Variants in S100PBP observed in about 807,000 individuals in gnomAD.
S100PBP encodes the protein S100P binding protein.
S100PBP carries 15 observed loss-of-function variants against 39.9 expected under a neutral mutation model. That is an observed-to-expected ratio of 0.38 (90% CI 0.25 to 0.58). The LOEUF is 0.58. Among genes scored for constraint, S100PBP ranks in the 20% least tolerant of loss-of-function variants. S100PBP has a pLI of 0.70. For missense variants in S100PBP, 504 were observed against 487.3 expected (o/e 1.03, Z -0.32); for synonymous variants, 178 against 180.3 (o/e 0.99, Z 0.10).
chr1:32,842,199 AAAAAC>A (rs1368133591), intron 5 of S100PBP, among the ~76,000 whole-genome samples: 25 of 109,126 alleles, frequency 2.3e-4, no homozygotes, highest in African/African-American at 7.7e-4. Context: ...AAAAAAAAAA[AAAAAC>A]ATATATATAT....
rs192718929 is a variant in S100PBP at position 32,854,629 on chromosome 1, A to G, written c.1113-1295A>G. 3.9e-5 allele frequency among the ~76,000 whole-genome samples: 6 copies of G among 152,258 alleles called. No individual in the cohort carries two copies. In the East Asian group the frequency reaches 1.2e-3, roughly 29 times the overall value. The stretch of plus-strand genomic sequence containing the variant: ...TGCCCTTGCCAGTGCACTGTTCACA[A>G]CTCAGCAGCCAAAGAAAGAGATTCT... On this transcript the variant is annotated intron_variant, in intron 6 of 6. Coordinates refer to ENST00000373475, the MANE Select transcript of S100PBP (RefSeq NM_022753.4).
upstream of S100PBP, chr1:32,817,152 A>C: frequency 1.2e-6 from 2 of 1,613,302 alleles, no homozygotes; most frequent in Non-Finnish European, 1.7e-6. Flanking sequence ...CGGGCTCCTA[A>C]TCCCCAACGG....
intron 6 of S100PBP, among the ~76,000 whole-genome samples, chr1:32,853,421 A>G (rs1640698203): frequency 6.6e-6 from 1 of 150,744 alleles, no homozygotes; most frequent in South Asian, 2.2e-4. Context: ...CAGTGAGCCA[A>G]GATGGTGCCA....
In S100PBP at chr1:32,855,949, C is replaced by A; in HGVS notation, c.1138C>A (p.Leu380Met). ...AAACTACGCCCGCCGACAGAAACAT[C>A]TGCAAAGATACAGTCTGACTCAGTG... Reference protein sequence around the residue: ...TRNYARRQKHLQRYSLTQWVD... With the variant: ...TRNYARRQKHMQRYSLTQWVD... Residue 380 changes from leucine to methionine, a missense_variant, in exon 7 of 7, where the codon CTG (leucine) becomes ATG (methionine). By Grantham distance (15) the Leu-to-Met change is conservative. Transcript: ENST00000373475. The A allele has an allele frequency of 6.2e-7, 1 of 1,613,558 alleles. No homozygotes were observed. Among genetic ancestry groups the A allele is most frequent in the East Asian group, 2.2e-5 (1 of 44,850 alleles).
At chr1:32,847,915 G>A (rs1640448811) in intron 5 of S100PBP, among the ~76,000 whole-genome samples, 1 of 152,060 alleles carries the variant, frequency 6.6e-6, no homozygotes, top group African/African-American at 2.4e-5. Flanking sequence ...AAGTAACTGA[G>A]TTTAAGGATT....
chr1:32,827,606 C>T (rs1639388727), intron 3 of S100PBP, among the ~76,000 whole-genome samples: 1 of 152,034 alleles, frequency 6.6e-6, no homozygotes, highest in Admixed American at 6.6e-5. Context: ...GTCTCAGTCT[C>T]GAGTAGCTGG....
intron 5 of S100PBP, among the ~76,000 whole-genome samples, chr1:32,832,708 C>T (rs1014916252): frequency 2.0e-5 from 3 of 152,130 alleles, no homozygotes; most frequent in African/African-American, 7.2e-5. Context: ...AAAAGGGGAG[C>T]GTAGTACTTC....
At chr1:32,827,550 C>A (rs1431173703) in intron 3 of S100PBP, among the ~76,000 whole-genome samples, 1 of 152,068 alleles carries the variant, frequency 6.6e-6, no homozygotes, top group Non-Finnish European at 1.5e-5. Context: ...GTGGCACGAT[C>A]TCGGCTCACT....
upstream of S100PBP, chr1:32,816,665 G>A (rs1477616295): frequency 6.3e-6 from 1 of 159,956 alleles, no homozygotes; most frequent in African/African-American, 2.4e-5. Flanking sequence ...TTCTACTCCT[G>A]TAGTTCTTGG....
chr1:32,821,625 C>G (rs1391845709), intron 1 of S100PBP, among the ~76,000 whole-genome samples: 1 of 140,026 alleles, frequency 7.1e-6, no homozygotes, highest in Non-Finnish European at 1.5e-5. Flanking sequence ...TGGCCTGTTT[C>G]TTTTTTCTTT....
intron 4 of S100PBP, 58 bp from the exon 5 acceptor site, chr1:32,829,906 C>T (rs774886471): frequency 2.7e-5 from 32 of 1,193,498 alleles, no homozygotes; most frequent in Non-Finnish European, 3.5e-5. Flanking sequence ...CTCTACAAAA[C>T]GCTATATTCC....
intron 1 of S100PBP, among the ~76,000 whole-genome samples, chr1:32,821,210 C>A (rs774196852): frequency 4.6e-5 from 7 of 152,018 alleles, no homozygotes; most frequent in Admixed American, 1.3e-4. Context: ...GAGGCTGAGG[C>A]GGACGGATCA....
chr1:32,852,883 T>TATTG, intron 5 of S100PBP, 196 bp from the exon 6 acceptor site: 1 of 527,776 alleles, frequency 1.9e-6, no homozygotes, highest in Non-Finnish European at 3.4e-6. Flanking sequence ...TGGCTGCTAT[T>TATTG]ATTGCTTCAC....
Position 32,844,428 on chromosome 1 carries a change from A to G in S100PBP, c.1025-8651A>G, listed in dbSNP as rs186870405. Among the ~76,000 whole-genome samples the G allele has an allele frequency of 2.7e-3, 410 of 152,262 alleles. 2 individuals are homozygous for G. Among genetic ancestry groups the G allele is most frequent in the Non-Finnish European group, 4.8e-3 (325 of 68,006 alleles). ...GTAATCCCAGTGCTTTGGGAGGCCA[A>G]TGTGGGAGGATCACTTGTGCCTAGC... is the stretch of plus-strand genomic sequence containing the variant. On this transcript the variant is annotated intron_variant, in intron 5 of 6. Coordinates refer to ENST00000373475, the MANE Select transcript of S100PBP (RefSeq NM_022753.4).
intron 1 of S100PBP, among the ~76,000 whole-genome samples, chr1:32,819,437 C>G (rs1357397034): frequency 6.6e-6 from 1 of 152,062 alleles, no homozygotes; most frequent in Admixed American, 6.6e-5. Context: ...GCATGGTGGA[C>G]GCCTGTAATC....
Position 32,826,542 on chromosome 1 carries a change from T to A in S100PBP, c.443T>A (p.Val148Asp). ...VLEKNLIKVTVAPFNPTVCDA... is the reference protein window; with the variant it reads ...VLEKNLIKVTDAPFNPTVCDA... ...GAAAAGAATCTTATAAAAGTAACTG[T>A]TGCACCATTTAATCCAACAGTTTGT... is the stretch of plus-strand genomic sequence containing the variant. Residue 148 changes from valine to aspartate, a missense_variant, in exon 3 of 7, where the codon GTT (valine) becomes GAT (aspartate). Physicochemically the swap from Val to Asp is radical, Grantham distance 152. Coordinates refer to ENST00000373475, the MANE Select transcript of S100PBP (RefSeq NM_022753.4). The A allele has an allele frequency of 6.2e-7, 1 of 1,613,998 alleles. No homozygotes were observed. The highest frequency in any genetic ancestry group is 8.5e-7 in the Non-Finnish European group (1 of 1,180,016).
intron 5 of S100PBP, among the ~76,000 whole-genome samples, chr1:32,833,330 GA>G: frequency 6.6e-6 from 1 of 151,538 alleles, no homozygotes; most frequent in South Asian, 2.1e-4. Flanking sequence ...CTAGCATCAT[GA>G]AAAATAACTT....
intron 5 of S100PBP, chr1:32,836,547 T>C (rs1055652485): frequency 1.0e-6 from 1 of 982,528 alleles, no homozygotes; most frequent in African/African-American, 1.7e-5. Flanking sequence ...CCAAGTAGTA[T>C]ATTATGGCTT....
intron 5 of S100PBP, among the ~76,000 whole-genome samples, chr1:32,852,534 CTT>C (rs1640654829): frequency 6.6e-6 from 1 of 152,196 alleles, no homozygotes; most frequent in Non-Finnish European, 1.5e-5. Flanking sequence ...CTAAACTCCT[CTT>C]GTTTCTTGAA....
Sources: gnomAD v4.1 joint callset for allele counts (sites outside exome capture counted in the v4.1 genomes callset) on GRCh38, gnomAD v4.1.1 for gene constraint, MANE v1.5 for transcripts, NCBI Gene and HGNC (gene_info 2026-07-23, HGNC 2026-07-21) for gene names.